Variants in ANKRD45 observed in about 807,000 individuals in gnomAD.
ANKRD45 encodes the protein ankyrin repeat domain-containing protein 45.
In ANKRD45, 21 loss-of-function variants were observed where a neutral mutation model predicts 28.1. The observed-to-expected ratio is 0.75, with a 90% confidence interval of 0.53 to 1.08. The LOEUF (loss-of-function observed/expected upper bound fraction) is 1.08. ANKRD45 is among the 50% of genes least tolerant of loss of function. ANKRD45 has a pLI of 0.00. For synonymous variants in ANKRD45, 86 were observed against 103.9 expected, an observed-to-expected ratio of 0.83 and a Z score of 1.05; for missense variants, 261 against 308.7, an observed-to-expected ratio of 0.85 and a Z score of 1.16.
intron 2 of ANKRD45, among the ~76,000 whole-genome samples, chr1:173,650,990 T>C (rs1254815957): frequency 6.6e-6 from 1 of 152,238 alleles, no homozygotes; most frequent in Non-Finnish European, 1.5e-5. Context: ...TTCTGGATAT[T>C]AGCCCTTTAT....
At chr1:173,637,077 T>C (rs1668480700) in intron 3 of ANKRD45, 1 of 1,268,522 alleles carries the variant, frequency 7.9e-7, no homozygotes, top group African/African-American at 1.5e-5. Flanking sequence ...ATTATAGATA[T>C]CACAAAAGAA....
chr1:173,658,217 A>G, intron 2 of ANKRD45: 1 of 197,940 alleles, frequency 5.1e-6, no homozygotes, highest in Non-Finnish European at 1.1e-5. Flanking sequence ...CCAGCTACTC[A>G]GGAAGCTAAG....
At chr1:173,704,039 G>A in the ANKRD45 span, among the ~76,000 whole-genome samples, 1 of 152,204 alleles carries the variant, frequency 6.6e-6, no homozygotes, top group Non-Finnish European at 1.5e-5. Context: ...AACTTAATCT[G>A]GTTATTGCCT....
chr1:173,713,399 T>C, the ANKRD45 span, among the ~76,000 whole-genome samples: 6 of 152,254 alleles, frequency 3.9e-5, no homozygotes, highest in East Asian at 1.2e-3. Context: ...TTTAGTTTAA[T>C]AGTTTAAATA....
rs1263007947 is a variant in ANKRD45, at chr1:173,664,003, G to A, written c.-15-4570C>T. 2.6e-5 allele frequency among the ~76,000 whole-genome samples: 4 copies of A among 151,856 alleles called. No homozygotes were observed. The South Asian group carries it at 8.3e-4, about 32-fold the overall frequency. The stretch of plus-strand genomic sequence containing the variant: ...TACAGGTAACATATCACTGTTTTTT[G>A]TCGCATTCTATTTTTTTAAAGCTGG... On this transcript the variant is annotated intron_variant, in intron 1 of 5. Transcript: ENST00000333279.
At chr1:173,615,043 T>C (rs371225133) in intron 5 of ANKRD45, among the ~76,000 whole-genome samples, 20 of 152,182 alleles carry the variant, frequency 1.3e-4, no homozygotes, top group East Asian at 9.7e-4. Context: ...GGTCATGAAC[T>C]TCCAACCTCC....
At chr1:173,626,472 T>C in intron 4 of ANKRD45, among the ~76,000 whole-genome samples, 2 of 152,310 alleles carry the variant, frequency 1.3e-5, no homozygotes, top group African/African-American at 4.8e-5. Flanking sequence ...TTTGTACATG[T>C]ACATATATAC....
At chr1:173,671,270 A>G (rs1670247692), upstream of ANKRD45, among the ~76,000 whole-genome samples, 2 of 151,682 alleles carry the variant, frequency 1.3e-5, no homozygotes, top group Admixed American at 1.3e-4. Context: ...TCTGCAAGGG[A>G]GCTGCCTGGA....
chr1:173,632,978 T>C (rs760461448), intron 3 of ANKRD45, among the ~76,000 whole-genome samples: 3 of 151,960 alleles, frequency 2.0e-5, no homozygotes, highest in Non-Finnish European at 2.9e-5. Context: ...TTATTCAATA[T>C]AGTGTTGGAA....
chr1:173,679,164 A>G, the ANKRD45 span, among the ~76,000 whole-genome samples: 2 of 152,182 alleles, frequency 1.3e-5, no homozygotes, highest in Non-Finnish European at 2.9e-5. Flanking sequence ...TCAAGCTACC[A>G]TTGACTTTCT....
intron 5 of ANKRD45, among the ~76,000 whole-genome samples, chr1:173,622,317 A>T (rs1411918838): frequency 2.0e-5 from 3 of 152,232 alleles, no homozygotes; most frequent in African/African-American, 7.2e-5. Flanking sequence ...TTTAAAATTC[A>T]TATGGAATAA....
chr1:173,647,767 C>T (rs973963812), intron 2 of ANKRD45, among the ~76,000 whole-genome samples: 2 of 151,782 alleles, frequency 1.3e-5, no homozygotes, highest in African/African-American at 4.9e-5. Flanking sequence ...CAGTCAATCC[C>T]ATAATCTTTT....
the ANKRD45 span, among the ~76,000 whole-genome samples, chr1:173,699,670 T>A: frequency 1.9e-4 from 29 of 152,296 alleles, 1 homozygote; most frequent in East Asian, 5.4e-3. Context: ...GGGATGTATC[T>A]CAAAATAATA....
chr1:173,633,463 C>A (rs564932852), intron 3 of ANKRD45, among the ~76,000 whole-genome samples: 3 of 151,372 alleles, frequency 2.0e-5, no homozygotes, highest in Non-Finnish European at 4.4e-5. Context: ...AAAATACCAA[C>A]GACATGCTTC....
At chr1:173,630,557 C>T (rs942398795) in intron 3 of ANKRD45, among the ~76,000 whole-genome samples, 3 of 150,526 alleles carry the variant, frequency 2.0e-5, no homozygotes, top group African/African-American at 4.9e-5. Flanking sequence ...AATCAAAAAA[C>T]ATACAACAAA....
chr1:173,642,518 TAGTA>T lies in ANKRD45; in HGVS notation c.496+4324_496+4327del, dbSNP rs1668746820. Among the ~76,000 whole-genome samples the T allele has an allele frequency of 3.3e-5, 5 of 152,206 alleles. No homozygotes were observed. In the South Asian group the frequency reaches 1.0e-3, roughly 31 times the overall value. On this transcript the variant is annotated intron_variant, in intron 3 of 5. Coordinates refer to ENST00000333279, the MANE Select transcript of ANKRD45 (RefSeq NM_198493.3). ...TCCTCCCAGTCTACTTCAGAATAGA[TAGTA>T]ACCTCTCTTAGAAGCAAAATTTACT...
At chr1:173,668,901 T>C (rs774014601) in intron 1 of ANKRD45, among the ~76,000 whole-genome samples, 6 of 152,250 alleles carry the variant, frequency 3.9e-5, no homozygotes, top group Non-Finnish European at 8.8e-5. Context: ...ATGGCATTGC[T>C]TTAGTCTTGA....
the ANKRD45 span, among the ~76,000 whole-genome samples, chr1:173,714,549 A>T: frequency 6.6e-6 from 1 of 152,206 alleles, no homozygotes; most frequent in Non-Finnish European, 1.5e-5. Context: ...CACCTTGCAC[A>T]TAGTAGAGGC....
chr1:173,617,034 A>C (rs962783363), intron 5 of ANKRD45, among the ~76,000 whole-genome samples: 7 of 152,010 alleles, frequency 4.6e-5, no homozygotes, highest in Non-Finnish European at 7.4e-5. Flanking sequence ...GAGAAACCAC[A>C]CTTCTCACAC....
Sources: gnomAD v4.1 joint callset for allele counts (sites outside exome capture counted in the v4.1 genomes callset) on GRCh38, gnomAD v4.1.1 for gene constraint, MANE v1.5 for transcripts, NCBI Gene and HGNC (gene_info 2026-07-23, HGNC 2026-07-21) for gene names.